FAM174B: variants seen among roughly 807,000 people sequenced by gnomAD.
The protein encoded by FAM174B is membrane protein FAM174B.
Under a neutral mutation model 10.9 loss-of-function variants are expected in FAM174B, and 12 were observed. That is an observed-to-expected ratio of 1.10 (90% confidence interval 0.71 to 1.79). The LOEUF (loss-of-function observed/expected upper bound fraction) is 1.79. Ranked by LOEUF, FAM174B falls within the 40% of genes most tolerant of loss-of-function variation. FAM174B has a pLI of 0.00. For synonymous variants in FAM174B, 132 were observed against 115.8 expected (o/e 1.14, Z -0.90); for missense variants, 266 against 233.3 (o/e 1.14, Z -0.91).
chr15:92,655,154 C>T (rs1476297473), intron 1 of FAM174B, 162 bp downstream of exon 1: 6 of 1,032,962 alleles, frequency 5.8e-6, no homozygotes, highest in Non-Finnish European at 7.7e-6. Flanking sequence ...ACGAGCACAC[C>T]CCGGCCCCCC....
intron 1 of FAM174B, among the ~76,000 whole-genome samples, chr15:92,631,495 T>TAA (rs1218429958): frequency 8.9e-5 from 9 of 100,834 alleles, no homozygotes; most frequent in South Asian, 2.6e-4. Context: ...TATATATATA[T>TAA]AATTCTTTTT....
At chr15:92,646,023 G>T (rs1168177942) in intron 1 of FAM174B, among the ~76,000 whole-genome samples, 1 of 144,204 alleles carries the variant, frequency 6.9e-6, no homozygotes, top group African/African-American at 2.6e-5. Context: ...CCTTCACAAT[G>T]CCCCCCTTCT....
intron 1 of FAM174B, among the ~76,000 whole-genome samples, chr15:92,631,874 G>A (rs150682774): frequency 7.9e-5 from 12 of 152,294 alleles, no homozygotes; most frequent in South Asian, 2.1e-4. Context: ...AATGAGGACC[G>A]GGTTTGTCAC....
At chr15:92,623,795 A>C (rs1015074264) in intron 2 of FAM174B, among the ~76,000 whole-genome samples, 2 of 152,200 alleles carry the variant, frequency 1.3e-5, no homozygotes, top group Admixed American at 1.3e-4. Flanking sequence ...AAACGTGTGG[A>C]CACCACCACC....
At position 92,655,667 on chromosome 15, in the gene FAM174B, T is replaced by C. The variant is rs1425891824; in HGVS notation, c.-8A>G. 8 of 1,257,034 alleles carry C rather than the reference T, an allele frequency of 6.4e-6. No homozygotes were observed. The highest frequency in any genetic ancestry group is 3.9e-5 in the Admixed American group (1 of 25,844). 77.9% of individuals were successfully genotyped at this position (1,257,034 alleles called of 1,614,324 possible). ...CAGCGGCACGGCGCGCATAGTGCGG[T>C]GGGTCGGCACAGGATCGGGCAGGGC... On this transcript the variant is annotated 5_prime_UTR_variant, in exon 1 of 3. Coordinates refer to ENST00000327355, the MANE Select transcript of FAM174B (RefSeq NM_207446.3).
chr15:92,626,242 G>A (rs769560811), intron 2 of FAM174B, among the ~76,000 whole-genome samples: 29 of 150,364 alleles, frequency 1.9e-4, no homozygotes, highest in Non-Finnish European at 2.9e-4. Context: ...GGGACTACAG[G>A]CGCCAGCCAC....
At chr15:92,642,087 A>C (rs1211251936) in intron 1 of FAM174B, among the ~76,000 whole-genome samples, 1 of 152,260 alleles carries the variant, frequency 6.6e-6, no homozygotes, top group African/African-American at 2.4e-5. Context: ...CTAGCCATCA[A>C]TGCATTGCAA....
At chr15:92,619,570 C>CA (rs1371636950) in intron 2 of FAM174B, 111 bp from the exon 3 acceptor site, 1 of 1,252,804 alleles carries the variant, frequency 8.0e-7, no homozygotes, top group African/African-American at 1.5e-5. Context: ...GAAAAGGCCA[C>CA]AGTCCCCAGC....
rs557446637 is a variant in FAM174B, at chr15:92,623,333, C to T, written c.477-3874G>A. ...AGATTCCAAGAGGCCTCTCTCGGCC[C>T]CCTTCTCATCCCCCAGAACCGCCAA... On this transcript the variant is annotated intron_variant, in intron 2 of 2. Coordinates refer to ENST00000327355, the MANE Select transcript of FAM174B (RefSeq NM_207446.3). 4.6e-5 allele frequency among the ~76,000 whole-genome samples: 7 copies of T among 152,196 alleles called. No individual in the cohort carries two copies. The East Asian group carries it at 9.7e-4, about 21-fold the overall frequency.
chr15:92,632,987 A>G lies in FAM174B; in HGVS notation c.345-2642T>C, dbSNP rs1456862338. 2.0e-5 allele frequency among the ~76,000 whole-genome samples: 3 copies of G among 152,238 alleles called. No homozygotes were observed. In the East Asian group the frequency reaches 5.8e-4, roughly 29 times the overall value. ...CTAGGACGCCACTGGGAATAACACT[A>G]TTAGTGTGATGACTGACGTTCTTTG... On this transcript the variant is annotated intron_variant, in intron 1 of 2. Transcript: ENST00000327355.
chr15:92,639,625 G>A (rs1421810573), intron 1 of FAM174B, among the ~76,000 whole-genome samples: 1 of 152,220 alleles, frequency 6.6e-6, no homozygotes, highest in Non-Finnish European at 1.5e-5. Context: ...GTGGGGCCTG[G>A]TGGAAGGTGA....
intron 1 of FAM174B, among the ~76,000 whole-genome samples, chr15:92,642,370 G>C (rs1459698149): frequency 6.6e-6 from 1 of 152,156 alleles, no homozygotes; most frequent in African/African-American, 2.4e-5. Flanking sequence ...TACTTGTTCA[G>C]AGCAGCATTA....
intron 2 of FAM174B, among the ~76,000 whole-genome samples, chr15:92,624,350 T>C (rs1348856000): frequency 6.6e-6 from 1 of 152,214 alleles, no homozygotes; most frequent in Non-Finnish European, 1.5e-5. Flanking sequence ...CATCTGCCGA[T>C]GCTCCTAACA....
chr15:92,619,629 G>T (rs758272549), intron 2 of FAM174B, 170 bp from the exon 3 acceptor site: 3 of 694,034 alleles, frequency 4.3e-6, no homozygotes, highest in Non-Finnish European at 7.3e-6. Flanking sequence ...CACTCTTCCA[G>T]CAAACCCCCT....
chr15:92,655,644 G>C lies in FAM174B; in HGVS notation c.16C>G (p.Leu6Val), dbSNP rs1382381173. 2.4e-6 allele frequency: 3 copies of C among 1,254,338 alleles called. No homozygotes were observed. Among genetic ancestry groups the C allele is most frequent in the Non-Finnish European group, 3.0e-6 (3 of 1,004,906 alleles). 77.7% of individuals were successfully genotyped at this position (1,254,338 alleles called of 1,614,324 possible). ...AGCAGCGGCAGGAGCGGGGCGGGCA[G>C]CGGCACGGCGCGCATAGTGCGGTGG... MRAVP[L>V]PAPLLPLLLL... Residue 6 changes from leucine (L) to valine (V), a missense_variant, in exon 1 of 3, where the codon CTG becomes GTG. By Grantham distance (32) the Leu-to-Val change is conservative (BLOSUM62 1). Transcript: ENST00000327355.
chr15:92,617,687 C>T lies in FAM174B; in HGVS notation c.*1769G>A, dbSNP rs928544140. The T allele has an allele frequency of 1.5e-6, 1 of 681,666 alleles. No individual in the cohort carries two copies. The highest frequency in any genetic ancestry group is 2.6e-6 in the Non-Finnish European group (1 of 377,448). 42.2% of individuals were successfully genotyped at this position (681,666 alleles called of 1,614,324 possible). On this transcript the variant is annotated 3_prime_UTR_variant, in exon 3 of 3. Transcript: ENST00000327355. The stretch of plus-strand genomic sequence containing the variant: ...GTTCAAAGGTTGAGGGGGCGAACAG[C>T]TGCGAGGTGGCCAGGCTCCCGTGAG...
At position 92,655,474 on chromosome 15, in the gene FAM174B, C is replaced by T; in HGVS notation, c.186G>A (p.Ala62=). ...GNTTRFGSGA[A]GGSGSSSSNS... Reference sequence around the variant, plus strand: ...TGGAGCTGGAGCTGCCGCTGCCGCCCGCCGCCCCAGACCCAAACCGGGTGG... The same window carrying T: ...TGGAGCTGGAGCTGCCGCTGCCGCCTGCCGCCCCAGACCCAAACCGGGTGG... The change falls in exon 1 of 3, where the codon GCG becomes GCA. Residue 62 remains alanine (A), a synonymous_variant. Transcript: ENST00000327355. The T allele has an allele frequency of 6.4e-7, 1 of 1,554,248 alleles. No individual in the cohort carries two copies. The highest frequency in any genetic ancestry group is 8.7e-7 in the Non-Finnish European group (1 of 1,153,092).
chr15:92,643,358 G>GTGTGTGTGTC (rs1470649751), intron 1 of FAM174B, among the ~76,000 whole-genome samples: 1 of 151,564 alleles, frequency 6.6e-6, no homozygotes, highest in Non-Finnish European at 1.5e-5. Flanking sequence ...GTGTGTGTGT[G>GTGTGTGTGTC]TGTGTGTGTG....
intron 2 of FAM174B, chr15:92,620,124 T>TA (rs1355269057): frequency 6.6e-6 from 1 of 152,330 alleles, no homozygotes; most frequent in Non-Finnish European, 1.5e-5. Context: ...GTCTCTTGCT[T>TA]AGACTGGGAG....
Sources: gnomAD v4.1 joint callset for allele counts (sites outside exome capture counted in the v4.1 genomes callset) on GRCh38, gnomAD v4.1.1 for gene constraint, MANE v1.5 for transcripts, NCBI Gene and HGNC (gene_info 2026-07-23, HGNC 2026-07-21) for gene names.